KCND2: variants seen among roughly 807,000 people sequenced by gnomAD.
KCND2 encodes the protein A-type voltage-gated potassium channel KCND2.
In KCND2, 16 loss-of-function variants were observed where a neutral mutation model predicts 54.4. That is an observed-to-expected ratio of 0.29 (90% CI 0.20 to 0.45). The LOEUF is 0.45. Ranked by LOEUF, KCND2 falls within the 20% of genes least tolerant of loss-of-function variation. The pLI is 1.00. For missense variants in KCND2, 486 were observed against 824.2 expected (o/e 0.59, Z 5.02); for synonymous variants, 317 against 310.7 (o/e 1.02, Z -0.21).
chr7:120,623,558 G>A (rs549361062), intron 1 of KCND2, among the ~76,000 whole-genome samples: 15 of 152,268 alleles, frequency 9.9e-5, no homozygotes, highest in African/African-American at 3.4e-4. Flanking sequence ...GAGGTTCTGA[G>A]ACTGTGCATT....
At position 120,403,759 on chromosome 7, in the gene KCND2, T is replaced by C. The variant is rs373766915; in HGVS notation, c.1115+128012T>C. Among the ~76,000 whole-genome samples the C allele has an allele frequency of 7.2e-5, 11 of 152,182 alleles. No individual in the cohort carries two copies. The East Asian group carries it at 7.7e-4, about 11-fold the overall frequency. ...AAATACATTTATATAACAACACATA[T>C]GTCTAATTTTATTGATCAGAGTGAC... On this transcript the variant is annotated intron_variant, in intron 1 of 5. Transcript: ENST00000331113.
intron 1 of KCND2, among the ~76,000 whole-genome samples, chr7:120,344,144 T>C (rs1043991657): frequency 3.9e-5 from 6 of 152,156 alleles, no homozygotes; most frequent in Admixed American, 3.9e-4. Context: ...ATATTGTACA[T>C]AGAAAGGATC....
chr7:120,730,403 C>T (rs1792790408), intron 1 of KCND2, among the ~76,000 whole-genome samples: 1 of 152,214 alleles, frequency 6.6e-6, no homozygotes, highest in African/African-American at 2.4e-5. Flanking sequence ...AGGAGTTGAC[C>T]TTCCAATCCC....
At chr7:120,430,891 T>C (rs1801779838) in intron 1 of KCND2, among the ~76,000 whole-genome samples, 1 of 152,226 alleles carries the variant, frequency 6.6e-6, no homozygotes, top group African/African-American at 2.4e-5. Context: ...GTGTTACGTT[T>C]ATTTTAATTG....
At chr7:120,310,884 T>G (rs1195713777) in intron 1 of KCND2, among the ~76,000 whole-genome samples, 1 of 145,634 alleles carries the variant, frequency 6.9e-6, no homozygotes, top group Non-Finnish European at 1.5e-5. Flanking sequence ...TGCAGTGAGC[T>G]GAGATTGCCC....
At chr7:120,734,669 T>A (rs141330671) in intron 2 of KCND2, among the ~76,000 whole-genome samples, 28 of 152,262 alleles carry the variant, frequency 1.8e-4, no homozygotes, top group African/African-American at 6.7e-4. Context: ...TTTTGTAGTT[T>A]CCTTTGGACT....
chr7:120,568,167 C>G (rs1453115626), intron 1 of KCND2, among the ~76,000 whole-genome samples: 1 of 152,002 alleles, frequency 6.6e-6, no homozygotes, highest in Non-Finnish European at 1.5e-5. Flanking sequence ...CAAATAAACT[C>G]TCTTCTAATT....
At position 120,497,146 on chromosome 7, in the gene KCND2, A is replaced by G. The variant is rs113962877; in HGVS notation, c.1115+221399A>G. ...TCATTTCCTTTTTTAACTAGACTGA[A>G]ATTAAAAATAAAGGATATTGGTAAC... On this transcript the variant is annotated intron_variant, in intron 1 of 5. Transcript: ENST00000331113. Among the ~76,000 whole-genome samples, 533 of 152,342 alleles carry G rather than the reference A, an allele frequency of 3.5e-3. 1 individual carries two copies. Among genetic ancestry groups the G allele is most frequent in the African/African-American group, 0.012 (491 of 41,580 alleles).
At chr7:120,568,098 A>C (rs1199740598) in intron 1 of KCND2, among the ~76,000 whole-genome samples, 1 of 152,146 alleles carries the variant, frequency 6.6e-6, no homozygotes, top group Non-Finnish European at 1.5e-5. Context: ...AGAACACTTA[A>C]ATAAGCCTTT....
intron 1 of KCND2, among the ~76,000 whole-genome samples, chr7:120,593,936 G>T (rs1792701750): frequency 1.3e-5 from 2 of 152,170 alleles, no homozygotes; most frequent in African/African-American, 4.8e-5. Flanking sequence ...ACCATGTCCT[G>T]CTGCCTCTGC....
At chr7:120,676,076 G>A (rs1792057436) in intron 1 of KCND2, among the ~76,000 whole-genome samples, 1 of 151,864 alleles carries the variant, frequency 6.6e-6, no homozygotes, top group Non-Finnish European at 1.5e-5. Context: ...GACCTCAAGT[G>A]ATCTGCCTGC....
intron 1 of KCND2, among the ~76,000 whole-genome samples, chr7:120,366,550 GAAAAGAAAAGAA>G (rs910665606): frequency 2.0e-5 from 3 of 149,984 alleles, no homozygotes; most frequent in South Asian, 2.1e-4. Context: ...GGAAAGAAAA[GAAAAGAAAAGAA>G]AAAAGAAAAG....
chr7:120,326,602 T>C (rs940906678), intron 1 of KCND2, among the ~76,000 whole-genome samples: 1 of 152,210 alleles, frequency 6.6e-6, no homozygotes, highest in African/African-American at 2.4e-5. Flanking sequence ...TTCAAGAAAG[T>C]TGTGCAGATA....
chr7:120,541,038 C>A (rs1791973984), intron 1 of KCND2, among the ~76,000 whole-genome samples: 1 of 151,968 alleles, frequency 6.6e-6, no homozygotes, highest in Non-Finnish European at 1.5e-5. Flanking sequence ...TTCCTTTATC[C>A]TTCTCCCCAC....
intron 1 of KCND2, among the ~76,000 whole-genome samples, chr7:120,322,205 A>C (rs922950425): frequency 1.3e-5 from 2 of 152,130 alleles, no homozygotes; most frequent in African/African-American, 4.8e-5. Flanking sequence ...AAATCAATGG[A>C]GGAAATAAGA....
At chr7:120,628,031 A>C (rs1793183995) in intron 1 of KCND2, among the ~76,000 whole-genome samples, 1 of 152,140 alleles carries the variant, frequency 6.6e-6, no homozygotes, top group African/African-American at 2.4e-5. Flanking sequence ...AGACCAGGAA[A>C]TTTGACATTT....
At chr7:120,600,316 T>C (rs1489812876) in intron 1 of KCND2, among the ~76,000 whole-genome samples, 1 of 151,972 alleles carries the variant, frequency 6.6e-6, no homozygotes, top group Non-Finnish European at 1.5e-5. Flanking sequence ...TTCATCCAAA[T>C]ATTAATTTAT....
At chr7:120,452,579 A>C (rs1205483126) in intron 1 of KCND2, among the ~76,000 whole-genome samples, 1 of 152,052 alleles carries the variant, frequency 6.6e-6, no homozygotes, top group Non-Finnish European at 1.5e-5. Flanking sequence ...GCCTCCAGCA[A>C]CTCCTGGGGA....
intron 1 of KCND2, among the ~76,000 whole-genome samples, chr7:120,297,547 C>G (rs543448929): frequency 6.6e-6 from 1 of 152,144 alleles, no homozygotes; most frequent in African/African-American, 2.4e-5. Flanking sequence ...ATACAATGAC[C>G]TATTTTTCCT....
Sources: allele counts gnomAD v4.1 joint callset (sites outside exome capture counted in the v4.1 genomes callset), GRCh38; gene constraint gnomAD v4.1.1; transcripts MANE v1.5; gene names NCBI Gene and HGNC (gene_info 2026-07-23, HGNC 2026-07-21).